The following KCNK2 variants were observed in gnomAD, a reference collection of about 807,000 sequenced individuals.
The protein encoded by KCNK2 is potassium two pore domain channel subfamily K member 2, also known as potassium channel subfamily K member 2.
A neutral mutation model predicts 40.5 loss-of-function variants in KCNK2; 21 were observed. The observed-to-expected ratio is 0.52, with a 90% CI of 0.37 to 0.75. The LOEUF (loss-of-function observed/expected upper bound fraction) is 0.75. KCNK2 is among the 30% of genes least tolerant of loss of function. The pLI is 0.00. For missense variants in KCNK2, 399 were observed against 531.6 expected (o/e 0.75, Z 2.45); for synonymous variants, 191 against 202.2 (o/e 0.94, Z 0.47).
chr1:215,128,769 G>T (rs1571644661), intron 3 of KCNK2, among the ~76,000 whole-genome samples: 1 of 151,536 alleles, frequency 6.6e-6, no homozygotes, highest in African/African-American at 2.5e-5. Flanking sequence ...AAAGGTAAGT[G>T]TTAGAGTAGA....
chr1:215,185,240 TA>T (rs1183667533), intron 5 of KCNK2, among the ~76,000 whole-genome samples: 1 of 152,176 alleles, frequency 6.6e-6, no homozygotes, highest in African/African-American at 2.4e-5. Flanking sequence ...CTGAGTAAGA[TA>T]AATTGACACT....
intron 6 of KCNK2, among the ~76,000 whole-genome samples, chr1:215,204,306 T>TATAAA (rs901375775): frequency 6.6e-6 from 1 of 151,828 alleles, no homozygotes; most frequent in African/African-American, 2.4e-5. Context: ...GAATTCTCAG[T>TATAAA]ATAAATGGTA....
At chr1:215,047,431 G>A (rs1017226879) in intron 1 of KCNK2, among the ~76,000 whole-genome samples, 1 of 151,928 alleles carries the variant, frequency 6.6e-6, no homozygotes, top group Non-Finnish European at 1.5e-5. Flanking sequence ...CTGAAGTTTC[G>A]AGAGATTAAG....
intron 1 of KCNK2, among the ~76,000 whole-genome samples, chr1:215,085,147 T>C (rs1490198549): frequency 6.6e-6 from 1 of 152,212 alleles, no homozygotes; most frequent in Admixed American, 6.5e-5. Context: ...CATGGAGATT[T>C]CTTATATACT....
rs375923735 is a variant in KCNK2 at position 215,034,096 on chromosome 1, G to A, written c.34+28141G>A. Reference sequence around the variant, plus strand: ...TGTTCTCTCCAATTTAGGGGGAATTGGTTTGTTCCATGATCTCAATTCTTT... The same window carrying A: ...TGTTCTCTCCAATTTAGGGGGAATTAGTTTGTTCCATGATCTCAATTCTTT... On this transcript the variant is annotated intron_variant, in intron 1 of 6. Transcript: ENST00000391895. Among the ~76,000 whole-genome samples, 148 of 152,236 alleles carry A rather than the reference G, an allele frequency of 9.7e-4. 5 individuals are homozygous for A. The South Asian group carries it at 0.03, about 31-fold the overall frequency.
At chr1:215,223,795 T>G (rs1473369995) in intron 6 of KCNK2, among the ~76,000 whole-genome samples, 1 of 152,160 alleles carries the variant, frequency 6.6e-6, no homozygotes, top group Non-Finnish European at 1.5e-5. Context: ...ATTTTTACAC[T>G]TTTATTCATG....
intron 3 of KCNK2, among the ~76,000 whole-genome samples, chr1:215,133,453 A>T (rs141335535): frequency 1.3e-4 from 20 of 152,238 alleles, no homozygotes; most frequent in African/African-American, 4.6e-4. Flanking sequence ...TGACCACCAG[A>T]CATCCAAGTA....
rs538476962 is a variant in KCNK2, at chr1:215,021,537, C to CTTTTT, written c.34+15604_34+15608dup. On this transcript the variant is annotated intron_variant, in intron 1 of 6. Transcript: ENST00000391895. ...TCTCTTCTGGAGCTGGGACAACCAT[C>CTTTTT]TTTTTTTTTTTTTTTTTTTTTTTTT... 3.8e-4 allele frequency among the ~76,000 whole-genome samples: 37 copies of CTTTTT among 96,326 alleles called. 6 individuals carry two copies. The highest frequency in any genetic ancestry group is 1.2e-3 in the African/African-American group (26 of 22,560). The allele number at this position is 96,326 out of a possible 152,430, so 63.2% of individuals were successfully genotyped here.
chr1:215,178,044 A>G (rs1322038805), intron 5 of KCNK2, among the ~76,000 whole-genome samples: 1 of 151,906 alleles, frequency 6.6e-6, no homozygotes, highest in African/African-American at 2.4e-5. Flanking sequence ...TGTTACCTAT[A>G]ATTTCTTTAA....
chr1:215,150,260 A>G (rs530447084), intron 3 of KCNK2, among the ~76,000 whole-genome samples: 3 of 152,334 alleles, frequency 2.0e-5, no homozygotes, highest in Admixed American at 1.3e-4. Flanking sequence ...CAAGGAAAGT[A>G]ACATAATCAG....
At chr1:215,211,710 C>A (rs959185889) in intron 6 of KCNK2, among the ~76,000 whole-genome samples, 1 of 151,980 alleles carries the variant, frequency 6.6e-6, no homozygotes, top group Admixed American at 6.6e-5. Flanking sequence ...TGATTCAACT[C>A]AGAAGGGATA....
intron 1 of KCNK2, among the ~76,000 whole-genome samples, chr1:215,041,082 A>G (rs560908948): frequency 6.6e-6 from 1 of 152,316 alleles, no homozygotes; most frequent in East Asian, 1.9e-4. Context: ...AATTAAGGAA[A>G]ACCATTAGAT....
In KCNK2 at chr1:215,083,198, C is replaced by CCCCCCCCCCCCCCCCCCCCA; in HGVS notation, c.-183_-182insCCCCCCCCCCCCCCACCCCC. ...CGATTTCGTTTCTTCTCACGCTCCC[C>CCCCCCCCCCCCCCCCCCCCA]CCCCCGCCCCCTCCCGCGTCCAGCC... is the stretch of plus-strand genomic sequence containing the variant. On this transcript the variant is annotated 5_prime_UTR_variant, in exon 1 of 7. Coordinates refer to ENST00000444842, the MANE Select transcript of KCNK2 (RefSeq NM_001017425.3). 1 of 603,080 alleles carries CCCCCCCCCCCCCCCCCCCCA rather than the reference C, an allele frequency of 1.7e-6. No individual in the cohort carries two copies. The highest frequency in any genetic ancestry group is 1.6e-5 in the South Asian group (1 of 61,966). The allele number at this position is 603,080 out of a possible 1,614,324, so 37.4% of individuals were successfully genotyped here.
chr1:215,104,074 G>T (rs1488747091), intron 2 of KCNK2, among the ~76,000 whole-genome samples: 2 of 152,002 alleles, frequency 1.3e-5, no homozygotes, highest in East Asian at 1.9e-4. Context: ...TTGTAAGAAA[G>T]AATCTTTCAG....
intron 3 of KCNK2, among the ~76,000 whole-genome samples, chr1:215,142,864 G>T (rs1301318370): frequency 1.3e-5 from 2 of 151,904 alleles, no homozygotes; most frequent in Non-Finnish European, 2.9e-5. Flanking sequence ...CTAAAATCCT[G>T]GGTTCCAGCA....
At chr1:215,087,499 A>G (rs1659499200) in intron 2 of KCNK2, among the ~76,000 whole-genome samples, 1 of 152,248 alleles carries the variant, frequency 6.6e-6, no homozygotes, top group Non-Finnish European at 1.5e-5. Context: ...TCTTTTGCAT[A>G]AAACAATTCA....
intron 6 of KCNK2, among the ~76,000 whole-genome samples, chr1:215,204,936 C>A (rs942403498): frequency 1.3e-5 from 2 of 152,138 alleles, no homozygotes; most frequent in Non-Finnish European, 2.9e-5. Flanking sequence ...CTCCTCCTGC[C>A]TCAAACTTGA....
At chr1:215,232,965 G>A (rs796721035) in intron 6 of KCNK2, among the ~76,000 whole-genome samples, 5 of 152,330 alleles carry the variant, frequency 3.3e-5, no homozygotes, top group African/African-American at 1.2e-4. Context: ...ATTTGTAGGA[G>A]CCAAATCCGA....
At chr1:215,044,468 G>C (rs978467851) in intron 1 of KCNK2, among the ~76,000 whole-genome samples, 1 of 151,962 alleles carries the variant, frequency 6.6e-6, no homozygotes, top group African/African-American at 2.4e-5. Flanking sequence ...ACCTGGATTT[G>C]CATGTTAGTT....
Sources: allele counts gnomAD v4.1 joint callset (sites outside exome capture counted in the v4.1 genomes callset), GRCh38; gene constraint gnomAD v4.1.1; transcripts MANE v1.5; gene names NCBI Gene and HGNC (gene_info 2026-07-23, HGNC 2026-07-21).